Variants in AP2B1 observed in about 807,000 individuals in gnomAD.
AP2B1 encodes AP-2 complex subunit beta.
A neutral mutation model predicts 102.0 loss-of-function variants in AP2B1; 23 were observed. That is an observed-to-expected ratio of 0.23 (90% CI 0.16 to 0.32). AP2B1 has a LOEUF of 0.32. Among genes scored for constraint, AP2B1 ranks in the 10% least tolerant of loss-of-function variants. The pLI is 1.00. For synonymous variants in AP2B1, 381 were observed against 421.2 expected (o/e 0.90, Z 1.17); for missense variants, 541 against 1,157.4 (o/e 0.47, Z 7.73).
At chr17:35,621,887 G>A (rs1204547134) in intron 5 of AP2B1, among the ~76,000 whole-genome samples, 2 of 152,050 alleles carry the variant, frequency 1.3e-5, no homozygotes, top group Non-Finnish European at 2.9e-5. Context: ...AACATGAAAA[G>A]GGTTTCACTG....
At chr17:35,664,501 A>G (rs1358447397) in intron 14 of AP2B1, among the ~76,000 whole-genome samples, 3 of 152,146 alleles carry the variant, frequency 2.0e-5, no homozygotes, top group African/African-American at 4.8e-5. Flanking sequence ...TAAGTAAACA[A>G]TTTTGTCAGG....
intron 10 of AP2B1, 104 bp downstream of exon 10, chr17:35,636,560 C>G (rs1331157514): frequency 1.2e-6 from 1 of 811,952 alleles, no homozygotes; most frequent in South Asian, 1.6e-5. Context: ...TGTTCCTGGT[C>G]ATAATAGGAT....
intron 5 of AP2B1, among the ~76,000 whole-genome samples, chr17:35,610,053 C>T (rs903922273): frequency 6.6e-5 from 10 of 152,158 alleles, no homozygotes; most frequent in African/African-American, 1.9e-4. Flanking sequence ...GATGCTTTAA[C>T]CATGACTTCT....
chr17:35,660,152 T>C (rs1350062214), intron 14 of AP2B1: 49 of 897,670 alleles, frequency 5.5e-5, no homozygotes, highest in Non-Finnish European at 6.1e-5. Context: ...TGTTTTGTTT[T>C]GTTTAGTTTG....
intron 5 of AP2B1, among the ~76,000 whole-genome samples, chr17:35,612,115 A>T (rs570082528): frequency 6.6e-5 from 10 of 152,340 alleles, no homozygotes; most frequent in Non-Finnish European, 1.5e-4. Flanking sequence ...ATAGCAAATT[A>T]TTGGACCAAC....
At chr17:35,664,954 C>T (rs73990250) in intron 14 of AP2B1, among the ~76,000 whole-genome samples, 6,677 of 152,078 alleles carry the variant, frequency 0.044, 174 homozygotes, top group African/African-American at 0.068. Flanking sequence ...CTGATAGAAG[C>T]CTTTTCCCCC....
At chr17:35,591,224 A>G (rs1323792215) in intron 1 of AP2B1, among the ~76,000 whole-genome samples, 2 of 151,802 alleles carry the variant, frequency 1.3e-5, no homozygotes, top group African/African-American at 4.8e-5. Context: ...GGTGATCCCA[A>G]CATGTAGTCC....
chr17:35,661,958 G>T (rs1187559579), intron 14 of AP2B1, among the ~76,000 whole-genome samples: 1 of 152,176 alleles, frequency 6.6e-6, no homozygotes, highest in African/African-American at 2.4e-5. Context: ...AACTGTCACA[G>T]TCAGGAAATA....
At chr17:35,686,254 A>G (rs2075928623) in intron 18 of AP2B1, among the ~76,000 whole-genome samples, 1 of 152,246 alleles carries the variant, frequency 6.6e-6, no homozygotes, top group Non-Finnish European at 1.5e-5. Flanking sequence ...GAGTTTATTT[A>G]TATCACGTAA....
intron 3 of AP2B1, among the ~76,000 whole-genome samples, chr17:35,602,343 C>T (rs2073516877): frequency 6.6e-6 from 1 of 152,124 alleles, no homozygotes; most frequent in South Asian, 2.1e-4. Flanking sequence ...AGTTGAAGAA[C>T]CCTTCTTGGA....
At chr17:35,614,157 C>G (rs1366512808) in intron 5 of AP2B1, among the ~76,000 whole-genome samples, 2 of 152,004 alleles carry the variant, frequency 1.3e-5, no homozygotes, top group Non-Finnish European at 2.9e-5. Flanking sequence ...GACAGCCCCA[C>G]CATATGTGCT....
chr17:35,613,834 T>G (rs1000247130), intron 5 of AP2B1, among the ~76,000 whole-genome samples: 1 of 152,234 alleles, frequency 6.6e-6, no homozygotes, highest in Non-Finnish European at 1.5e-5. Context: ...GAATTAAACT[T>G]GTCGTCAGAT....
chr17:35,673,730 A>G (rs181010523), intron 16 of AP2B1, among the ~76,000 whole-genome samples: 40 of 152,360 alleles, frequency 2.6e-4, no homozygotes, highest in Non-Finnish European at 4.6e-4. Context: ...TGATGAAAAA[A>G]AATCTTCAAA....
intron 21 of AP2B1, among the ~76,000 whole-genome samples, chr17:35,720,952 G>A (rs782423087): frequency 1.3e-5 from 2 of 152,000 alleles, no homozygotes; most frequent in Non-Finnish European, 2.9e-5. Context: ...TATCTGATTT[G>A]CCTATCTAAA....
intron 18 of AP2B1, among the ~76,000 whole-genome samples, chr17:35,693,371 G>C (rs587770548): frequency 1.3e-5 from 2 of 152,212 alleles, no homozygotes; most frequent in East Asian, 3.9e-4. Context: ...GTAGATCCTA[G>C]TTCTACATTT....
intron 17 of AP2B1, among the ~76,000 whole-genome samples, chr17:35,676,910 C>A (rs1222151726): frequency 2.0e-5 from 3 of 151,932 alleles, no homozygotes; most frequent in Non-Finnish European, 2.9e-5. Context: ...GGATACAAAT[C>A]CTTTATTGCA....
At chr17:35,672,982 C>G (rs952209779) in intron 16 of AP2B1, among the ~76,000 whole-genome samples, 2 of 152,106 alleles carry the variant, frequency 1.3e-5, no homozygotes, top group African/African-American at 4.8e-5. Context: ...CTATTTTGCA[C>G]CTTGGTTTTT....
intron 14 of AP2B1, among the ~76,000 whole-genome samples, chr17:35,662,315 G>A (rs530632916): frequency 1.8e-4 from 27 of 151,970 alleles, no homozygotes; most frequent in Non-Finnish European, 3.7e-4. Flanking sequence ...TCTTTTGCTT[G>A]TACTCTACAG....
intron 14 of AP2B1, among the ~76,000 whole-genome samples, chr17:35,658,487 T>G (rs1237215971): frequency 1.3e-5 from 2 of 152,124 alleles, no homozygotes; most frequent in Non-Finnish European, 2.9e-5. Context: ...ATTTTTTGTT[T>G]CTGTACAAGA....
Sources: allele counts gnomAD v4.1 joint callset (sites outside exome capture counted in the v4.1 genomes callset), GRCh38; gene constraint gnomAD v4.1.1; transcripts MANE v1.5; gene names NCBI Gene and HGNC (gene_info 2026-07-23, HGNC 2026-07-21).